MAPT: variants seen among roughly 807,000 people sequenced by gnomAD.
The protein encoded by MAPT is microtubule associated protein tau, also known as microtubule-associated protein tau.
In MAPT, 34 loss-of-function variants were observed where a neutral mutation model predicts 67.9. The observed-to-expected ratio is 0.50, with a 90% CI of 0.38 to 0.67. The LOEUF is 0.67. Ranked by LOEUF, MAPT falls within the 30% of genes least tolerant of loss-of-function variation. The pLI, the probability that MAPT is intolerant of heterozygous loss-of-function variation, is 0.00. For synonymous variants in MAPT, 456 were observed against 464.5 expected (o/e 0.98, Z 0.23); for missense variants, 881 against 1,115.2 (o/e 0.79, Z 2.99).
intron 8 of MAPT, 128 bp downstream of exon 8, chr17:45,991,714 C>T: frequency 7.9e-7 from 1 of 1,269,396 alleles, no homozygotes; most frequent in Non-Finnish European, 1.1e-6. Flanking sequence ...TTGCAGTTTA[C>T]TAAGCACTGG....
chr17:46,011,125 G>A (rs2075792726), intron 10 of MAPT, among the ~76,000 whole-genome samples: 1 of 152,212 alleles, frequency 6.6e-6, no homozygotes, highest in African/African-American at 2.4e-5. Context: ...TGCCAGGAGT[G>A]GTGGCTCGTG....
At chr17:45,911,653 A>G (rs965001483) in intron 1 of MAPT, among the ~76,000 whole-genome samples, 6 of 148,566 alleles carry the variant, frequency 4.0e-5, no homozygotes, top group African/African-American at 1.5e-4. Context: ...AGTCCCAGCT[A>G]CTCAGGAGGC....
intron 11 of MAPT, among the ~76,000 whole-genome samples, chr17:46,017,334 T>C (rs897756402): frequency 4.0e-5 from 6 of 151,804 alleles, no homozygotes; most frequent in African/African-American, 1.5e-4. Flanking sequence ...AGTGCAGTGG[T>C]GCGATCTCGG....
intron 2 of MAPT, among the ~76,000 whole-genome samples, chr17:45,970,378 T>TCATC (rs540831073): frequency 3.0e-4 from 44 of 147,114 alleles, no homozygotes; most frequent in South Asian, 6.6e-4. Context: ...ATTCATCCAA[T>TCATC]CATCCATCCA....
At chr17:45,926,771 A>G (rs1439490570) in intron 1 of MAPT, among the ~76,000 whole-genome samples, 2 of 152,082 alleles carry the variant, frequency 1.3e-5, no homozygotes, top group Non-Finnish European at 2.9e-5. Context: ...TTATCTTGCT[A>G]ACTTATCATC....
chr17:45,965,458 C>G (rs965430046), intron 2 of MAPT, among the ~76,000 whole-genome samples: 21 of 151,682 alleles, frequency 1.4e-4, no homozygotes, highest in Non-Finnish European at 2.4e-4. Context: ...CTCTGTCGCC[C>G]AGGCTGGAGT....
chr17:45,990,094 A>T lies in MAPT; in HGVS notation c.1605+19A>T. On this transcript the variant is annotated intron_variant, in intron 7 of 12. Coordinates refer to ENST00000262410, the MANE Select transcript of MAPT (RefSeq NM_001377265.1). Reference sequence around the variant, plus strand: ...ACTCAAGGTAAGGAAACCACCTTTGAAAAGAACCAGGCTGCTCTGCTGTGG... The same window carrying T: ...ACTCAAGGTAAGGAAACCACCTTTGTAAAGAACCAGGCTGCTCTGCTGTGG... 6.2e-7 allele frequency: 1 copy of T among 1,611,482 alleles called. No individual in the cohort carries two copies. Among genetic ancestry groups the T allele is most frequent in the Non-Finnish European group, 8.5e-7 (1 of 1,177,534 alleles).
intron 1 of MAPT, among the ~76,000 whole-genome samples, chr17:45,911,057 T>C (rs2064751882): frequency 6.6e-6 from 1 of 152,214 alleles, no homozygotes; most frequent in African/African-American, 2.4e-5. Context: ...AGATAATTGG[T>C]AAATGAGTTT....
intron 11 of MAPT, among the ~76,000 whole-genome samples, chr17:46,015,795 TTG>T (rs1456129187): frequency 6.6e-6 from 1 of 152,240 alleles, no homozygotes; most frequent in Admixed American, 6.5e-5. Context: ...TTATTATACA[TTG>T]TGTGTCTGTA....
intron 8 of MAPT, chr17:45,993,818 T>A: frequency 8.4e-7 from 1 of 1,185,308 alleles, no homozygotes; most frequent in Non-Finnish European, 1.2e-6. Flanking sequence ...TGTTTCAGAA[T>A]GGGGCCCCTG....
Position 46,024,010 on chromosome 17 carries a change from G to A in MAPT, c.2341G>A (p.Gly781Arg), listed in dbSNP as rs63750512. The change falls in exon 13 of 13, where the codon GGG becomes AGG. Residue 781 changes from glycine to arginine, a missense_variant. This residue lies in a region of MAPT where 79 missense variants were observed against 150.9 expected (regional missense o/e 0.52). Coordinates refer to ENST00000262410, the MANE Select transcript of MAPT (RefSeq NM_001377265.1). Reference protein sequence around the residue: ...RENAKAKTDHGAEIVYKSPVV... With the variant: ...RENAKAKTDHRAEIVYKSPVV... ...GAACGCCAAAGCCAAGACAGACCAC[G>A]GGGCGGAGATCGTGTACAAGTCGCC... The A allele has an allele frequency of 4.3e-6, 7 of 1,614,080 alleles. No homozygotes were observed. The highest frequency in any genetic ancestry group is 5.9e-6 in the Non-Finnish European group (7 of 1,180,024).
chr17:45,899,734 G>C (rs2063495837), intron 1 of MAPT, among the ~76,000 whole-genome samples: 1 of 152,200 alleles, frequency 6.6e-6, no homozygotes, highest in South Asian at 2.1e-4. Flanking sequence ...AATAAGGTTA[G>C]GGAGATGTGG....
At chr17:46,002,940 G>A (rs1219484270) in intron 9 of MAPT, among the ~76,000 whole-genome samples, 1 of 152,032 alleles carries the variant, frequency 6.6e-6, no homozygotes, top group Non-Finnish European at 1.5e-5. Context: ...GCACCACAGT[G>A]CCCAACTAAT....
intron 1 of MAPT, among the ~76,000 whole-genome samples, chr17:45,926,143 G>A (rs898165592): frequency 1.3e-5 from 2 of 152,142 alleles, no homozygotes; most frequent in East Asian, 1.9e-4. Context: ...CCCAGGAGGT[G>A]GAGGTTGCAG....
intron 2 of MAPT, among the ~76,000 whole-genome samples, chr17:45,964,433 A>G (rs1400596202): frequency 1.4e-5 from 2 of 138,200 alleles, no homozygotes; most frequent in Admixed American, 8.0e-5. Flanking sequence ...TAATCCCAGC[A>G]CTTTGGGAGG....
intron 1 of MAPT, among the ~76,000 whole-genome samples, chr17:45,941,672 C>CT (rs1568207259): frequency 1.9e-3 from 41 of 21,306 alleles, no homozygotes; most frequent in East Asian, 0.014. Flanking sequence ...CCCCCCTTCC[C>CT]CCCTTCCCTC....
chr17:45,999,739 A>C (rs2074840524), intron 9 of MAPT: 5 of 1,276,226 alleles, frequency 3.9e-6, no homozygotes, highest in Admixed American at 2.7e-5. Context: ...AATCTACTAA[A>C]GGGTTAAAGG....
intron 1 of MAPT, among the ~76,000 whole-genome samples, chr17:45,943,321 C>T (rs1287920267): frequency 2.0e-5 from 3 of 152,170 alleles, no homozygotes; most frequent in Admixed American, 2.0e-4. Flanking sequence ...TCCCAAAGTG[C>T]TGGGATTACA....
chr17:45,978,131 T>C (rs1435338915), intron 3 of MAPT: 1 of 548,928 alleles, frequency 1.8e-6, no homozygotes, highest in Non-Finnish European at 3.3e-6. Flanking sequence ...GAGAAAGTCT[T>C]TCCTACTAGG....
Sources: allele counts gnomAD v4.1 joint callset (sites outside exome capture counted in the v4.1 genomes callset), GRCh38; gene constraint gnomAD v4.1.1; regional missense constraint gnomAD v4.1.1; transcripts MANE v1.5; gene names NCBI Gene and HGNC (gene_info 2026-07-23, HGNC 2026-07-21).